Variants in KIF5C observed in about 807,000 individuals in gnomAD.
KIF5C encodes the protein kinesin family member 5C, also known as kinesin heavy chain isoform 5C.
A neutral mutation model predicts 125.2 loss-of-function variants in KIF5C; 18 were observed. The observed-to-expected ratio is 0.14, with a 90% CI of 0.10 to 0.21. The LOEUF is 0.21. Ranked by LOEUF, KIF5C falls within the 10% of genes least tolerant of loss-of-function variation. The pLI, the probability that KIF5C is intolerant of heterozygous loss-of-function variation, is 1.00. For missense variants in KIF5C, 780 were observed against 1,183.8 expected, an observed-to-expected ratio of 0.66 and a Z score of 5.01; for synonymous variants, 405 against 434.0, an observed-to-expected ratio of 0.93 and a Z score of 0.83.
In KIF5C at chr2:149,026,288, A is replaced by G. The variant is rs1195869336; in HGVS notation, c.*3218A>G. On this transcript the variant is annotated 3_prime_UTR_variant, in exon 26 of 26. Transcript: ENST00000435030. Reference sequence around the variant, plus strand: ...TTAACACTAACAATTTAGACTTTTTAAACCAAGCATTGAATAATGGCTGGA... The same window carrying G: ...TTAACACTAACAATTTAGACTTTTTGAACCAAGCATTGAATAATGGCTGGA... 1 of 152,206 alleles carries G rather than the reference A, an allele frequency of 6.6e-6. No homozygotes were observed. 9.4% of individuals were successfully genotyped at this position (152,206 alleles called of 1,614,324 possible). A position where few individuals can be genotyped will look rare whatever the true frequency, so the allele number is the denominator to read the frequency against.
intron 1 of KIF5C, among the ~76,000 whole-genome samples, chr2:148,881,428 CTTTTTT>C (rs951354670): frequency 1.3e-5 from 2 of 151,884 alleles, no homozygotes; most frequent in Non-Finnish European, 2.9e-5. Context: ...TTTTCTTTTT[CTTTTTT>C]TAATTAAATT....
At position 148,976,253 on chromosome 2, in the gene KIF5C, AT is replaced by A. The variant is rs1681066904; in HGVS notation, c.1294-2666del. Among the ~76,000 whole-genome samples the A allele has an allele frequency of 2.7e-5, 4 of 147,264 alleles. No individual in the cohort carries two copies. In the Admixed American group the frequency reaches 2.7e-4, roughly 10 times the overall value. On this transcript the variant is annotated intron_variant, in intron 12 of 25. Coordinates refer to ENST00000435030, the MANE Select transcript of KIF5C (RefSeq NM_004522.3). ...GTGTGCATATTATTTTGTTTTATTT[AT>A]TTATTTATTTATTTATTTATTTATT...
intron 1 of KIF5C, among the ~76,000 whole-genome samples, chr2:148,886,885 T>C (rs1681543678): frequency 6.6e-6 from 1 of 152,198 alleles, no homozygotes; most frequent in South Asian, 2.1e-4. Flanking sequence ...ATTTTCTTAA[T>C]AAATATGGCT....
At chr2:148,990,321 T>G (rs1233955846) in intron 15 of KIF5C, among the ~76,000 whole-genome samples, 1 of 152,220 alleles carries the variant, frequency 6.6e-6, no homozygotes, top group African/African-American at 2.4e-5. Context: ...CAGATGATCT[T>G]AAATAATGAG....
chr2:148,903,055 A>G (rs1305268035), intron 1 of KIF5C, among the ~76,000 whole-genome samples: 2 of 152,054 alleles, frequency 1.3e-5, no homozygotes, highest in Non-Finnish European at 2.9e-5. Flanking sequence ...CTCTGCAGGC[A>G]AGTGTGCTGT....
intron 15 of KIF5C, among the ~76,000 whole-genome samples, chr2:148,984,495 G>A (rs1317559410): frequency 6.6e-6 from 1 of 152,024 alleles, no homozygotes; most frequent in Non-Finnish European, 1.5e-5. Flanking sequence ...ATAATCCAGA[G>A]GATTATGCCT....
At chr2:148,903,676 A>C (rs1680990530) in intron 1 of KIF5C, among the ~76,000 whole-genome samples, 1 of 152,198 alleles carries the variant, frequency 6.6e-6, no homozygotes. Flanking sequence ...GAATCTTATG[A>C]GAGAGCTGCT....
rs775703598 is a variant in KIF5C at position 148,950,442 on chromosome 2, C to T, written c.948C>T (p.Ser316=). 4.3e-6 allele frequency: 7 copies of T among 1,613,746 alleles called. No individual in the cohort carries two copies. In the South Asian group the frequency reaches 6.6e-5, roughly 15 times the overall value. The change falls in exon 10 of 26, where the codon TCC becomes TCT. Residue 316 remains serine, a synonymous_variant. Transcript: ENST00000435030. The part of the protein sequence containing the change: ...PSVFNEAETK[S]TLMFGQRAKT... ...TCTTCAATGAGGCTGAGACCAAGTC[C>T]ACACTGATGTTCGGACAGAGGTACG...
chr2:148,909,498 T>G (rs968832698), intron 1 of KIF5C, among the ~76,000 whole-genome samples: 1 of 152,252 alleles, frequency 6.6e-6, no homozygotes, highest in African/African-American at 2.4e-5. Flanking sequence ...TCATCCCTGC[T>G]GGGTTCCCAG....
intron 21 of KIF5C, among the ~76,000 whole-genome samples, chr2:149,001,300 G>T (rs1475383834): frequency 1.3e-5 from 2 of 152,172 alleles, no homozygotes; most frequent in African/African-American, 4.8e-5. Flanking sequence ...TTTGAGCAGG[G>T]ACTCGAAGAA....
chr2:149,004,415 A>G (rs1483701531), intron 21 of KIF5C, among the ~76,000 whole-genome samples: 3 of 152,244 alleles, frequency 2.0e-5, no homozygotes, highest in South Asian at 2.1e-4. Flanking sequence ...GGAACTGATC[A>G]TATTTCCTAT....
intron 1 of KIF5C, chr2:148,877,907 C>T (rs984185984): frequency 3.9e-5 from 6 of 152,118 alleles, no homozygotes; most frequent in African/African-American, 1.4e-4. Context: ...ATTTCCTTAT[C>T]TAAATAAACA....
At chr2:148,906,222 G>A (rs542444664) in intron 1 of KIF5C, among the ~76,000 whole-genome samples, 8 of 152,286 alleles carry the variant, frequency 5.3e-5, no homozygotes, top group East Asian at 3.9e-4. Context: ...TAGCCAATTC[G>A]TGATGTCTAA....
intron 1 of KIF5C, chr2:148,884,329 T>C (rs554071196): frequency 2.6e-5 from 4 of 152,276 alleles, no homozygotes; most frequent in African/African-American, 4.8e-5. Context: ...GGTGCTCACA[T>C]TGAATGGCCT....
rs369106823 is a variant in KIF5C, at chr2:148,912,382, G to T, written c.127-9755G>T. Among the ~76,000 whole-genome samples, 4 of 152,334 alleles carry T rather than the reference G, an allele frequency of 2.6e-5. No individual in the cohort carries two copies. In the East Asian group the frequency reaches 7.7e-4, roughly 29 times the overall value. On this transcript the variant is annotated intron_variant, in intron 1 of 25. Coordinates refer to ENST00000435030, the MANE Select transcript of KIF5C (RefSeq NM_004522.3). ...ACTACACTCAAAATCACTTTTTAAA[G>T]ATTTTTGGCTTATAAAATTGTGGCT...
rs755385452 is a variant in KIF5C at position 148,997,315 on chromosome 2, G to T, written c.2075G>T (p.Arg692Leu). ...FQDKEKEHLT[R>L]LQDAEEMKKA... ...GATAAGGAGAAGGAACATCTGACGCGGTTGCAGGATGCTGAAGAAATGAAG... is the reference window on the plus strand; with the variant it reads ...GATAAGGAGAAGGAACATCTGACGCTGTTGCAGGATGCTGAAGAAATGAAG... The change falls in exon 18 of 26, where the codon CGG (arginine) becomes CTG (leucine). Residue 692 changes from arginine to leucine, a missense_variant. By Grantham distance (102) the Arg-to-Leu change is moderately radical. Around this residue, in one of 2 missense-constraint regions of KIF5C, gnomAD observed 573 missense variants for 742.6 expected, o/e 0.77. Coordinates refer to ENST00000435030, the MANE Select transcript of KIF5C (RefSeq NM_004522.3). 1 of 1,613,710 alleles carries T rather than the reference G, an allele frequency of 6.2e-7. No homozygotes were observed. The highest frequency in any genetic ancestry group is 8.5e-7 in the Non-Finnish European group (1 of 1,179,740).
chr2:148,875,752 C>T lies in KIF5C; in HGVS notation c.126+9C>T. 6.2e-7 allele frequency: 1 copy of T among 1,600,702 alleles called. No individual in the cohort carries two copies. The highest frequency in any genetic ancestry group is 2.3e-5 in the East Asian group (1 of 44,328). Reference sequence around the variant, plus strand: ...AGACCGTGGTGATCGGGGTAAGTGGCTGGGGCGTCTGCCTTCCCTGCTGCT... The same window carrying T: ...AGACCGTGGTGATCGGGGTAAGTGGTTGGGGCGTCTGCCTTCCCTGCTGCT... On this transcript the variant is annotated intron_variant, in intron 1 of 25. Coordinates refer to ENST00000435030, the MANE Select transcript of KIF5C (RefSeq NM_004522.3).
At chr2:149,019,247 G>A (rs1232644744) in intron 25 of KIF5C, among the ~76,000 whole-genome samples, 1 of 152,182 alleles carries the variant, frequency 6.6e-6, no homozygotes, top group African/African-American at 2.4e-5. Context: ...GGATCATAGT[G>A]CCCGTATCAC....
In KIF5C at chr2:148,981,342, C is replaced by T. The variant is rs759451844; in HGVS notation, c.1363-13C>T. On this transcript the variant is annotated splice_polypyrimidine_tract_variant and intron_variant, in intron 13 of 25. Transcript: ENST00000435030. ...ATTAGATTCACAAGTTCCATGCCATCTCATTTCCCCAGCTTTTAGCTTCCA... is the reference window on the plus strand; with the variant it reads ...ATTAGATTCACAAGTTCCATGCCATTTCATTTCCCCAGCTTTTAGCTTCCA... 1.9e-6 allele frequency: 3 copies of T among 1,600,214 alleles called. No homozygotes were observed. The highest frequency in any genetic ancestry group is 1.3e-5 in the African/African-American group (1 of 74,414).
Sources: allele counts gnomAD v4.1 joint callset (sites outside exome capture counted in the v4.1 genomes callset), GRCh38; gene constraint gnomAD v4.1.1; regional missense constraint gnomAD v4.1.1; transcripts MANE v1.5; gene names NCBI Gene and HGNC (gene_info 2026-07-23, HGNC 2026-07-21).